Variants in BTBD2 observed in about 807,000 individuals in gnomAD.
BTBD2 encodes BTB/POZ domain-containing protein 2.
Under a neutral mutation model 44.0 loss-of-function variants are expected in BTBD2, and 15 were observed. The ratio of observed to expected loss-of-function variants is 0.34; its 90% confidence interval spans 0.23 to 0.53. BTBD2 has a LOEUF of 0.53. BTBD2 is among the 20% of genes least tolerant of loss of function. BTBD2 has a pLI of 0.95. For synonymous variants in BTBD2, 443 were observed against 335.9 expected, an observed-to-expected ratio of 1.32 and a Z score of -3.49; for missense variants, 657 against 746.4, an observed-to-expected ratio of 0.88 and a Z score of 1.39.
intron 3 of BTBD2, 139 bp from the exon 4 acceptor site, chr19:1,990,961 A>G: frequency 1.4e-6 from 1 of 732,818 alleles, no homozygotes; most frequent in Non-Finnish European, 2.2e-6. Context: ...CCAGGGTCTC[A>G]GCCACCAGGC....
chr19:1,995,861 T>C (rs2016244782), intron 2 of BTBD2, among the ~76,000 whole-genome samples: 1 of 152,102 alleles, frequency 6.6e-6, no homozygotes, highest in African/African-American at 2.4e-5. Context: ...TTCACCATGT[T>C]AGCCAGCATG....
At position 1,990,708 on chromosome 19, in the gene BTBD2, G is replaced by T. The variant is rs1488507627; in HGVS notation, c.790+9C>A. The T allele has an allele frequency of 1.3e-6, 2 of 1,589,442 alleles. No homozygotes were observed. Among genetic ancestry groups the T allele is most frequent in the East Asian group, 2.3e-5 (1 of 43,142 alleles). ...TGGGATTCCCACACCTGGGCTCCTG[G>T]GCCCTTACCCAGGTCAATGTCGGTG... On this transcript the variant is annotated intron_variant, in intron 4 of 8. Transcript: ENST00000255608.
In BTBD2 at chr19:1,986,616, G is replaced by A. The variant is rs895010812; in HGVS notation, c.1450C>T (p.Arg484Cys). The change falls in exon 9 of 9, where the codon CGC (arginine) becomes TGC (cysteine). Residue 484 changes from arginine to cysteine, a missense_variant. Coordinates refer to ENST00000255608, the MANE Select transcript of BTBD2 (RefSeq NM_017797.4). ...PDSHYGTKGL[R>C]KVTHESPTTG... ...GTGGGCGACTCGTGTGTCACCTTGC[G>A]CAGGCCTTTGGTGCCGTAGTGGGAG... 45 of 1,613,800 alleles carry A rather than the reference G, an allele frequency of 2.8e-5. No individual in the cohort carries two copies. Among genetic ancestry groups the A allele is most frequent in the Non-Finnish European group, 3.5e-5 (41 of 1,179,890 alleles).
At chr19:1,996,987 G>C (rs946957634) in intron 2 of BTBD2, among the ~76,000 whole-genome samples, 6 of 152,066 alleles carry the variant, frequency 3.9e-5, no homozygotes, top group African/African-American at 1.4e-4. Flanking sequence ...AGACCATCCT[G>C]ACTAACACAG....
chr19:1,994,041 G>A (rs1410065516), intron 2 of BTBD2, among the ~76,000 whole-genome samples: 1 of 145,440 alleles, frequency 6.9e-6, no homozygotes, highest in Admixed American at 7.0e-5. Flanking sequence ...GCACAGGCCG[G>A]CCTGGTGGTT....
At chr19:2,009,210 C>G (rs926929881) in intron 1 of BTBD2, among the ~76,000 whole-genome samples, 5 of 147,942 alleles carry the variant, frequency 3.4e-5, no homozygotes, top group Non-Finnish European at 4.5e-5. Flanking sequence ...CTTTTTTCTT[C>G]TTTTTTGAGG....
intron 1 of BTBD2, among the ~76,000 whole-genome samples, chr19:2,009,015 C>T (rs1333837302): frequency 7.5e-6 from 1 of 132,564 alleles, no homozygotes; most frequent in Non-Finnish European, 1.6e-5. Context: ...CCAGAACACA[C>T]TGTTCTTTTT....
chr19:1,986,587 C>A lies in BTBD2; in HGVS notation c.1479G>T (p.Thr493=), dbSNP rs150535121. 8 of 1,614,002 alleles carry A rather than the reference C, an allele frequency of 5.0e-6. No homozygotes were observed. Among genetic ancestry groups the A allele is most frequent in the Non-Finnish European group, 5.9e-6 (7 of 1,179,934 alleles). Residue 493 remains threonine, a synonymous_variant, in exon 9 of 9, where the codon ACG becomes ACT. Transcript: ENST00000255608. Reference sequence around the variant, plus strand: ...AAAAGGTGAAGCAGGTCTTGGCGCCCGTGGTGGGCGACTCGTGTGTCACCT... The same window carrying A: ...AAAAGGTGAAGCAGGTCTTGGCGCCAGTGGTGGGCGACTCGTGTGTCACCT... ...LRKVTHESPT[T]GAKTCFTFCY...
In BTBD2 at chr19:2,001,347, T is replaced by C. The variant is rs536919700; in HGVS notation, c.408-3884A>G. On this transcript the variant is annotated intron_variant, in intron 1 of 8. Transcript: ENST00000255608. The stretch of plus-strand genomic sequence containing the variant: ...CCGTCTCTACTAAAAATACAAAATA[T>C]TAGCCGGGCGTGGTGGCACCTGTAA... Among the ~76,000 whole-genome samples, 23 of 151,452 alleles carry C rather than the reference T, an allele frequency of 1.5e-4. No individual in the cohort carries two copies. The South Asian group carries it at 1.7e-3, about 11-fold the overall frequency.
chr19:1,999,081 G>A (rs896734687), intron 1 of BTBD2, among the ~76,000 whole-genome samples: 4 of 152,028 alleles, frequency 2.6e-5, no homozygotes, highest in Non-Finnish European at 2.9e-5. Flanking sequence ...CACAGCTCCC[G>A]GGAAAGCCCC....
At chr19:1,999,193 C>T (rs2016292321) in intron 1 of BTBD2, among the ~76,000 whole-genome samples, 1 of 152,196 alleles carries the variant, frequency 6.6e-6, no homozygotes, top group Non-Finnish European at 1.5e-5. Context: ...CTTGACTGCA[C>T]CCCAGAGTCA....
chr19:2,015,015 C>T (rs1345752339), intron 1 of BTBD2, among the ~76,000 whole-genome samples: 3 of 145,244 alleles, frequency 2.1e-5, no homozygotes, highest in Non-Finnish European at 4.6e-5. Flanking sequence ...AGGGTGCAGG[C>T]CCCGGGGTGC....
At chr19:1,989,160 G>A (rs541652662) in intron 5 of BTBD2, among the ~76,000 whole-genome samples, 49 of 152,184 alleles carry the variant, frequency 3.2e-4, no homozygotes, top group South Asian at 1.7e-3. Flanking sequence ...TTGTGAGGCC[G>A]AGATGGGAGG....
At chr19:2,001,291 T>C (rs1229401016) in intron 1 of BTBD2, among the ~76,000 whole-genome samples, 1 of 151,412 alleles carries the variant, frequency 6.6e-6, no homozygotes, top group Non-Finnish European at 1.5e-5. Flanking sequence ...GGTCAGGAGA[T>C]CAAGACCATC....
chr19:1,997,388 A>T lies in BTBD2; in HGVS notation c.483T>A (p.Ile161=), dbSNP rs746114134. The T allele has an allele frequency of 8.7e-6, 14 of 1,614,030 alleles. No homozygotes were observed. The Admixed American group carries it at 1.5e-4, about 17-fold the overall frequency. ...CAGCGGGTTCCACGTCGGGCAGCTC[A>T]ATCTCCGTGGATGTTGTGGCCATTC... ...NGGMATTSTE[I]ELPDVEPAAF... is the part of the protein sequence containing the mutation. The change falls in exon 2 of 9, where the codon ATT becomes ATA. Residue 161 remains isoleucine, a synonymous_variant. Coordinates refer to ENST00000255608, the MANE Select transcript of BTBD2 (RefSeq NM_017797.4).
intron 2 of BTBD2, among the ~76,000 whole-genome samples, chr19:1,993,734 G>A (rs1004737867): frequency 6.6e-6 from 1 of 152,144 alleles, no homozygotes; most frequent in African/African-American, 2.4e-5. Flanking sequence ...GGTGGTTCAC[G>A]CCTGTAACCC....
In BTBD2 at chr19:1,986,262, C is replaced by A; in HGVS notation, c.*226G>T. 1 of 562,798 alleles carries A rather than the reference C, an allele frequency of 1.8e-6. No individual in the cohort carries two copies. Among genetic ancestry groups the A allele is most frequent in the Non-Finnish European group, 3.1e-6 (1 of 321,734 alleles). The allele number at this position is 562,798 out of a possible 1,614,324, so 34.9% of individuals were successfully genotyped here. On this transcript the variant is annotated 3_prime_UTR_variant, in exon 9 of 9. Coordinates refer to ENST00000255608, the MANE Select transcript of BTBD2 (RefSeq NM_017797.4). ...TCCTGAGGGATTGTCTCCACAGGGC[C>A]TGGCCACTGGCCTGGCCACCTCCCC...
intron 1 of BTBD2, among the ~76,000 whole-genome samples, chr19:2,006,691 GT>G (rs567903719): frequency 2.0e-4 from 29 of 145,960 alleles, no homozygotes; most frequent in Admixed American, 5.5e-4. Context: ...TGTAAATTAA[GT>G]TTTTTTTTTT....
intron 1 of BTBD2, among the ~76,000 whole-genome samples, chr19:2,005,342 G>A (rs991545140): frequency 2.6e-5 from 4 of 151,934 alleles, no homozygotes; most frequent in Non-Finnish European, 5.9e-5. Context: ...TTGAGGCAGG[G>A]TCTCACTCTG....
Sources: allele counts gnomAD v4.1 joint callset (sites outside exome capture counted in the v4.1 genomes callset), GRCh38; gene constraint gnomAD v4.1.1; transcripts MANE v1.5; gene names NCBI Gene and HGNC (gene_info 2026-07-23, HGNC 2026-07-21).